Variants in LARP4B observed in about 807,000 individuals in gnomAD.
LARP4B encodes la-related protein 4B.
In LARP4B, 12 loss-of-function variants were observed where a neutral mutation model predicts 89.8. The ratio of observed to expected loss-of-function variants is 0.13; its 90% confidence interval spans 0.09 to 0.22. The LOEUF is 0.22. Among genes scored for constraint, LARP4B ranks in the 10% least tolerant of loss-of-function variants. LARP4B has a pLI of 1.00. For missense variants in LARP4B, 757 were observed against 947.7 expected (o/e 0.80, Z 2.64); for synonymous variants, 367 against 363.3 (o/e 1.01, Z -0.12).
In LARP4B at chr10:900,420, C is replaced by CTTTTTTTTTTTTTTT. The variant is rs529963345; in HGVS notation, c.-39-14675_-39-14661dup. Among the ~76,000 whole-genome samples the CTTTTTTTTTTTTTTT allele has an allele frequency of 4.6e-4, 21 of 45,244 alleles. 8 individuals carry two copies. Among genetic ancestry groups the CTTTTTTTTTTTTTTT allele is most frequent in the South Asian group, 2.8e-3 (2 of 714 alleles). 29.7% of individuals were successfully genotyped at this position (45,244 alleles called of 152,430 possible). A position where few individuals can be genotyped will look rare whatever the true frequency, so the allele number is the denominator to read the frequency against. ...ATTCTAGGATCGGAAAGAAGGATGT[C>CTTTTTTTTTTTTTTT]TTTTTTTTTTTTTTTTTTTTTTTTT... On this transcript the variant is annotated intron_variant, in intron 1 of 17. Transcript: ENST00000316157.
At chr10:869,066 T>C (rs960770356) in intron 3 of LARP4B, among the ~76,000 whole-genome samples, 1 of 152,178 alleles carries the variant, frequency 6.6e-6, no homozygotes, top group African/African-American at 2.4e-5. Flanking sequence ...CATAGAGTCA[T>C]TTGCTAAGCT....
intron 1 of LARP4B, among the ~76,000 whole-genome samples, chr10:918,793 T>A (rs1420472202): frequency 1.3e-5 from 2 of 152,068 alleles, no homozygotes; most frequent in East Asian, 3.9e-4. Flanking sequence ...ATAACCACAA[T>A]GGGCCAGGTG....
rs890482826 is a variant in LARP4B, at chr10:931,548, C to CGGCCG, written c.-165_-161dup. On this transcript the variant is annotated 5_prime_UTR_variant, in exon 1 of 18. Coordinates refer to ENST00000316157, the MANE Select transcript of LARP4B (RefSeq NM_015155.3). ...AGAGAGACGGCAGGGAGAGGCGGCG[C>CGGCCG]GGCCGGGCCGGGCCGGGCCGGAGGT... 8 of 149,538 alleles carry CGGCCG rather than the reference C, an allele frequency of 5.3e-5. No homozygotes were observed. Among genetic ancestry groups the CGGCCG allele is most frequent in the Admixed American group, 2.0e-4 (3 of 14,966 alleles). 9.3% of individuals were successfully genotyped at this position (149,538 alleles called of 1,614,324 possible). A position where few individuals can be genotyped will look rare whatever the true frequency, so the allele number is the denominator to read the frequency against.
At chr10:879,248 C>T (rs1460201231) in intron 3 of LARP4B, among the ~76,000 whole-genome samples, 1 of 152,202 alleles carries the variant, frequency 6.6e-6, no homozygotes, top group Non-Finnish European at 1.5e-5. Flanking sequence ...TAAAAAGGAT[C>T]TACTCCGTCT....
intron 3 of LARP4B, among the ~76,000 whole-genome samples, chr10:882,725 C>T (rs1012142088): frequency 3.9e-5 from 6 of 152,178 alleles, no homozygotes; most frequent in African/African-American, 1.4e-4. Context: ...AGGAAGCTGT[C>T]TAATAAATAC....
chr10:839,845 A>C lies in LARP4B; in HGVS notation c.646+3087T>G, dbSNP rs114471249. On this transcript the variant is annotated intron_variant, in intron 7 of 17. Transcript: ENST00000316157. Reference sequence around the variant, plus strand: ...CATGGTCACACGGAGACTTTTACACAAGTGTCCACAGCAATTTGTAGTGGT... The same window carrying C: ...CATGGTCACACGGAGACTTTTACACCAGTGTCCACAGCAATTTGTAGTGGT... Among the ~76,000 whole-genome samples, 204 of 152,272 alleles carry C rather than the reference A, an allele frequency of 1.3e-3. 1 individual carries two copies. Among genetic ancestry groups the C allele is most frequent in the African/African-American group, 4.8e-3 (200 of 41,544 alleles).
At chr10:834,047 C>T (rs1353448104) in intron 8 of LARP4B, among the ~76,000 whole-genome samples, 2 of 152,084 alleles carry the variant, frequency 1.3e-5, no homozygotes, top group Admixed American at 1.3e-4. Flanking sequence ...AATCAAGGAA[C>T]GTGAGAGTGG....
At chr10:905,833 C>A (rs1233974320) in intron 1 of LARP4B, among the ~76,000 whole-genome samples, 1 of 152,148 alleles carries the variant, frequency 6.6e-6, no homozygotes. Flanking sequence ...CAAGAACCAG[C>A]CTCCTGCTTG....
the LARP4B span, chr10:972,818 A>G: frequency 4.4e-6 from 2 of 455,750 alleles, no homozygotes; most frequent in Admixed American, 4.8e-5. Flanking sequence ...CCCCTCTCCA[A>G]GGCCACACAT....
chr10:880,388 TA>T (rs1002248996), intron 3 of LARP4B, among the ~76,000 whole-genome samples: 7 of 149,020 alleles, frequency 4.7e-5, no homozygotes, highest in Admixed American at 1.3e-4. Flanking sequence ...TAAAGGAGTT[TA>T]AAAAAAAAAA....
chr10:903,705 T>C (rs769330933), intron 1 of LARP4B, among the ~76,000 whole-genome samples: 2 of 152,230 alleles, frequency 1.3e-5, no homozygotes, highest in African/African-American at 2.4e-5. Context: ...TTCCAGTGGA[T>C]CCTGCATTTC....
the LARP4B span, among the ~76,000 whole-genome samples, chr10:978,864 TCTC>T: frequency 6.6e-6 from 1 of 152,192 alleles, no homozygotes; most frequent in African/African-American, 2.4e-5. Context: ...TAAATGTTTT[TCTC>T]CTCATCCTTA....
chr10:831,279 T>TG (rs1293769862), intron 8 of LARP4B, among the ~76,000 whole-genome samples: 1 of 146,010 alleles, frequency 6.8e-6, no homozygotes, highest in Admixed American at 6.8e-5. Flanking sequence ...TGCACAACTT[T>TG]TTTTTTTTTT....
At chr10:910,000 T>C (rs1389647165) in intron 1 of LARP4B, among the ~76,000 whole-genome samples, 1 of 152,072 alleles carries the variant, frequency 6.6e-6, no homozygotes, top group Non-Finnish European at 1.5e-5. Flanking sequence ...CTATGTGAGG[T>C]ATGCAGGCCC....
chr10:899,579 T>C (rs1836277426), intron 1 of LARP4B, among the ~76,000 whole-genome samples: 3 of 152,346 alleles, frequency 2.0e-5, no homozygotes, highest in South Asian at 2.1e-4. Context: ...CATTCAAATA[T>C]ATGCAGTTTT....
intron 1 of LARP4B, among the ~76,000 whole-genome samples, chr10:920,435 T>C (rs1264810623): frequency 6.6e-6 from 1 of 152,266 alleles, no homozygotes; most frequent in Non-Finnish European, 1.5e-5. Context: ...ATAAACATCT[T>C]ACTTCAAAAG....
chr10:915,670 G>A (rs1008717638), intron 1 of LARP4B, among the ~76,000 whole-genome samples: 3 of 151,778 alleles, frequency 2.0e-5, no homozygotes, highest in African/African-American at 7.3e-5. Flanking sequence ...TGGATGTGGT[G>A]GTGGGCGCCT....
intron 2 of LARP4B, 27 bp from the exon 3 acceptor site, chr10:884,533 T>A (rs777740593): frequency 4.1e-6 from 6 of 1,462,108 alleles, no homozygotes; most frequent in Non-Finnish European, 5.8e-6. Context: ...AAAGACAACA[T>A]CAGTACAATG....
chr10:938,841 T>G, the LARP4B span, among the ~76,000 whole-genome samples: 1 of 152,350 alleles, frequency 6.6e-6, no homozygotes, highest in East Asian at 1.9e-4. Flanking sequence ...AGAGTTATCT[T>G]GTAGAGACAC....
Sources: allele counts gnomAD v4.1 joint callset (sites outside exome capture counted in the v4.1 genomes callset), GRCh38; gene constraint gnomAD v4.1.1; transcripts MANE v1.5; gene names NCBI Gene and HGNC (gene_info 2026-07-23, HGNC 2026-07-21).